KCNAB1: variants seen among roughly 807,000 people sequenced by gnomAD.
KCNAB1 encodes potassium voltage-gated channel subfamily A regulatory beta subunit 1.
In KCNAB1, 35 loss-of-function variants were observed where a neutral mutation model predicts 64.6. The observed-to-expected ratio is 0.54, with a 90% CI of 0.41 to 0.72. KCNAB1 has a LOEUF of 0.72. Ranked by LOEUF, KCNAB1 falls within the 30% of genes least tolerant of loss-of-function variation. The probability of loss-of-function intolerance (pLI) is 0.00; values close to 1 mark genes in which losing one functional copy is unlikely to be tolerated. For missense variants in KCNAB1, 401 were observed against 512.9 expected (o/e 0.78, Z 2.11); for synonymous variants, 177 against 183.8 (o/e 0.96, Z 0.30).
intron 12 of KCNAB1, among the ~76,000 whole-genome samples, chr3:156,528,743 G>C (rs769029874): frequency 3.3e-5 from 5 of 152,196 alleles, no homozygotes; most frequent in African/African-American, 4.8e-5. Flanking sequence ...AAGATGCTTG[G>C]AGATGGAGAG....
intron 1 of KCNAB1, among the ~76,000 whole-genome samples, chr3:156,280,950 C>T (rs1421660408): frequency 1.3e-5 from 2 of 149,044 alleles, no homozygotes; most frequent in Non-Finnish European, 3.0e-5. Context: ...ATTGAATACC[C>T]TTTATTTCCT....
chr3:156,174,713 CAA>C (rs1411217895), intron 1 of KCNAB1, among the ~76,000 whole-genome samples: 3 of 152,136 alleles, frequency 2.0e-5, no homozygotes, highest in Admixed American at 6.5e-5. Context: ...GATATTTAGC[CAA>C]TGTGGTCGCT....
At chr3:156,135,867 C>T (rs770786724) in intron 1 of KCNAB1, among the ~76,000 whole-genome samples, 33 of 152,172 alleles carry the variant, frequency 2.2e-4, no homozygotes, top group Non-Finnish European at 3.8e-4. Flanking sequence ...TTGCAACTTT[C>T]AAAACTGCTT....
intron 3 of KCNAB1, among the ~76,000 whole-genome samples, chr3:156,454,866 G>C (rs1357857500): frequency 2.0e-5 from 3 of 152,172 alleles, no homozygotes; most frequent in Non-Finnish European, 2.9e-5. Context: ...CCTCTTCACA[G>C]TGTCTGCTCT....
intron 1 of KCNAB1, among the ~76,000 whole-genome samples, chr3:156,143,749 C>T (rs1007082343): frequency 1.3e-5 from 2 of 150,866 alleles, no homozygotes; most frequent in Non-Finnish European, 3.0e-5. Flanking sequence ...GGACTCCATT[C>T]TTCTTAAGGG....
At chr3:156,538,844 A>AAGAT (rs1719259148), downstream of KCNAB1, 1 of 152,232 alleles carries the variant, frequency 6.6e-6, no homozygotes, top group South Asian at 2.1e-4. Context: ...TTAACTACTG[A>AAGAT]AGATACCATT....
intron 2 of KCNAB1, among the ~76,000 whole-genome samples, chr3:156,438,534 CA>C (rs925497367): frequency 3.9e-5 from 6 of 152,292 alleles, no homozygotes; most frequent in African/African-American, 1.4e-4. Flanking sequence ...CTGTGGCTTT[CA>C]CTGTGAGTTC....
intron 1 of KCNAB1, among the ~76,000 whole-genome samples, chr3:156,276,195 A>G (rs1318864195): frequency 6.6e-6 from 1 of 152,160 alleles, no homozygotes; most frequent in Non-Finnish European, 1.5e-5. Context: ...ATTGTCAATG[A>G]GTGGTAATAT....
chr3:156,361,200 G>A (rs1576772951), intron 1 of KCNAB1, among the ~76,000 whole-genome samples: 1 of 152,118 alleles, frequency 6.6e-6, no homozygotes, highest in African/African-American at 2.4e-5. Flanking sequence ...CCCCCGGGAT[G>A]TTCCTCTAAC....
intron 1 of KCNAB1, among the ~76,000 whole-genome samples, chr3:156,124,861 C>T (rs771605965): frequency 9.9e-5 from 15 of 152,084 alleles, no homozygotes; most frequent in Admixed American, 3.3e-4. Context: ...GGTCGTAGGC[C>T]GGGCATGGTG....
At chr3:156,158,476 T>C (rs569371066) in intron 1 of KCNAB1, among the ~76,000 whole-genome samples, 28 of 152,296 alleles carry the variant, frequency 1.8e-4, no homozygotes, top group African/African-American at 5.8e-4. Context: ...ATCAAAGTGC[T>C]TCTATTTTAC....
At chr3:156,493,377 T>C (rs1715774456) in intron 8 of KCNAB1, among the ~76,000 whole-genome samples, 1 of 152,270 alleles carries the variant, frequency 6.6e-6, no homozygotes, top group African/African-American at 2.4e-5. Context: ...AATGAATCCT[T>C]CACTGAAATT....
intron 1 of KCNAB1, among the ~76,000 whole-genome samples, chr3:156,303,696 T>G (rs902259747): frequency 3.3e-5 from 5 of 152,156 alleles, no homozygotes; most frequent in Admixed American, 3.3e-4. Flanking sequence ...TTTATATAGA[T>G]AGGGCAGTGT....
chr3:156,324,508 A>G (rs547231787), intron 1 of KCNAB1, among the ~76,000 whole-genome samples: 2 of 152,170 alleles, frequency 1.3e-5, no homozygotes, highest in East Asian at 3.9e-4. Context: ...TTATTCATGC[A>G]TTTACTCATT....
At chr3:156,368,929 T>C (rs1726126631) in intron 1 of KCNAB1, among the ~76,000 whole-genome samples, 1 of 152,224 alleles carries the variant, frequency 6.6e-6, no homozygotes, top group African/African-American at 2.4e-5. Flanking sequence ...GCTCTTTCTT[T>C]GCTTGTTTCT....
chr3:156,422,852 A>G (rs940628515), intron 2 of KCNAB1, among the ~76,000 whole-genome samples: 1 of 152,204 alleles, frequency 6.6e-6, no homozygotes, highest in Admixed American at 6.5e-5. Flanking sequence ...GGAGGAGCCA[A>G]AGAAAGCTGA....
chr3:156,202,966 A>C (rs1714435136), intron 1 of KCNAB1, among the ~76,000 whole-genome samples: 1 of 152,132 alleles, frequency 6.6e-6, no homozygotes, highest in African/African-American at 2.4e-5. Context: ...TGTAGTTTTT[A>C]CCGCTAGGGT....
At chr3:156,402,853 A>C (rs1204383909) in intron 1 of KCNAB1, among the ~76,000 whole-genome samples, 2 of 152,210 alleles carry the variant, frequency 1.3e-5, no homozygotes, top group African/African-American at 4.8e-5. Flanking sequence ...TATGGTAACT[A>C]TAACTATGAA....
At chr3:156,482,272 A>T (rs1425376614) in intron 8 of KCNAB1, among the ~76,000 whole-genome samples, 1 of 152,058 alleles carries the variant, frequency 6.6e-6, no homozygotes, top group African/African-American at 2.4e-5. Context: ...AAAAAAAAAC[A>T]ACTCAATAAT....
Sources: allele counts gnomAD v4.1 joint callset (sites outside exome capture counted in the v4.1 genomes callset), GRCh38; gene constraint gnomAD v4.1.1; transcripts MANE v1.5; gene names NCBI Gene and HGNC (gene_info 2026-07-23, HGNC 2026-07-21).